The following GRIK2 variants were observed in gnomAD, a reference collection of about 807,000 sequenced individuals.
The protein encoded by GRIK2 is glutamate ionotropic receptor kainate type subunit 2, also known as glutamate receptor ionotropic, kainate 2.
In GRIK2, 32 loss-of-function variants were observed where a neutral mutation model predicts 100.3. The ratio of observed to expected loss-of-function variants is 0.32; its 90% CI spans 0.24 to 0.43. GRIK2 has a LOEUF of 0.43. Ranked by LOEUF, GRIK2 falls within the 20% of genes least tolerant of loss-of-function variation. The pLI, the probability that GRIK2 is intolerant of heterozygous loss-of-function variation, is 1.00. For synonymous variants in GRIK2, 417 were observed against 389.4 expected (o/e 1.07, Z -0.83); for missense variants, 843 against 1,114.9 (o/e 0.76, Z 3.47).
At chr6:101,628,568 TGTGA>T (rs1216917762) in intron 4 of GRIK2, among the ~76,000 whole-genome samples, 1 of 152,096 alleles carries the variant, frequency 6.6e-6, no homozygotes, top group Non-Finnish European at 1.5e-5. Context: ...GAATGATTTC[TGTGA>T]GTATGTGTAA....
At chr6:101,550,631 C>A (rs1776464868) in intron 2 of GRIK2, among the ~76,000 whole-genome samples, 1 of 152,160 alleles carries the variant, frequency 6.6e-6, no homozygotes, top group South Asian at 2.1e-4. Flanking sequence ...ATTATGCCAG[C>A]TGTCTTAACG....
chr6:101,801,809 A>G (rs1000084453), intron 8 of GRIK2, among the ~76,000 whole-genome samples: 2 of 151,930 alleles, frequency 1.3e-5, no homozygotes, highest in Non-Finnish European at 2.9e-5. Flanking sequence ...TGAAGTAATT[A>G]TAATACATTT....
chr6:101,867,671 TAA>T (rs1032861593), intron 11 of GRIK2, among the ~76,000 whole-genome samples: 27 of 151,794 alleles, frequency 1.8e-4, no homozygotes, highest in African/African-American at 5.6e-4. Flanking sequence ...AAAGGTATGT[TAA>T]GTGTTTAATT....
intron 14 of GRIK2, among the ~76,000 whole-genome samples, chr6:101,945,702 CACAA>C (rs141427929): frequency 8.9e-4 from 135 of 152,218 alleles, no homozygotes; most frequent in African/African-American, 3.1e-3. Context: ...TTAAAGGGAT[CACAA>C]ACAAACAAAT....
intron 10 of GRIK2, among the ~76,000 whole-genome samples, chr6:101,849,024 T>C (rs1783964803): frequency 6.6e-6 from 1 of 151,982 alleles, no homozygotes; most frequent in Non-Finnish European, 1.5e-5. Context: ...CTAATAAAAA[T>C]TTTTAGTTTA....
In GRIK2 at chr6:101,996,177, C is replaced by T. The variant is rs138353686; in HGVS notation, c.2086-39164C>T. On this transcript the variant is annotated intron_variant, in intron 14 of 16. Transcript: ENST00000369134. ...AATTGTTCTAAATTTCTGGCTATGC[C>T]GAAGTTCATTTCTAAAATAAAAGGT... 9.2e-5 allele frequency among the ~76,000 whole-genome samples: 14 copies of T among 152,028 alleles called. No individual in the cohort carries two copies. The East Asian group carries it at 1.2e-3, about 13-fold the overall frequency.
intron 7 of GRIK2, among the ~76,000 whole-genome samples, chr6:101,731,124 TGAAG>T (rs1775238573): frequency 2.6e-5 from 4 of 152,006 alleles, no homozygotes; most frequent in Admixed American, 6.6e-5. Context: ...ATCTGAGCAG[TGAAG>T]AAAGTATTAC....
At chr6:101,976,401 A>G (rs1472559475) in intron 14 of GRIK2, among the ~76,000 whole-genome samples, 1 of 152,002 alleles carries the variant, frequency 6.6e-6, no homozygotes, top group Non-Finnish European at 1.5e-5. Flanking sequence ...AGGGCAGTTT[A>G]AAGTGTTCTG....
chr6:101,704,353 G>C (rs1317969507), intron 7 of GRIK2, among the ~76,000 whole-genome samples: 1 of 151,606 alleles, frequency 6.6e-6, no homozygotes. Context: ...TTCTCCAAGG[G>C]GGTGAAAATT....
At chr6:101,627,658 A>G (rs1021635509) in intron 4 of GRIK2, among the ~76,000 whole-genome samples, 2 of 152,218 alleles carry the variant, frequency 1.3e-5, no homozygotes, top group African/African-American at 4.8e-5. Flanking sequence ...TATGTGGAAC[A>G]ATATAATATT....
intron 9 of GRIK2, among the ~76,000 whole-genome samples, chr6:101,813,222 T>C (rs1471327757): frequency 6.6e-6 from 1 of 151,956 alleles, no homozygotes; most frequent in Non-Finnish European, 1.5e-5. Flanking sequence ...ACTGAAGACT[T>C]TCAAGAAAAA....
At chr6:101,777,630 T>C (rs184981589) in intron 7 of GRIK2, among the ~76,000 whole-genome samples, 4 of 152,260 alleles carry the variant, frequency 2.6e-5, no homozygotes, top group Admixed American at 2.6e-4. Flanking sequence ...AAAGGTCAAG[T>C]CAGTGAAAGA....
At chr6:101,954,363 A>G (rs1383506666) in intron 14 of GRIK2, among the ~76,000 whole-genome samples, 2 of 152,022 alleles carry the variant, frequency 1.3e-5, no homozygotes, top group Non-Finnish European at 2.9e-5. Flanking sequence ...TGTTTTTCAA[A>G]TTATTTAGGT....
chr6:101,944,672 A>G (rs1791163815), intron 14 of GRIK2, among the ~76,000 whole-genome samples: 1 of 152,288 alleles, frequency 6.6e-6, no homozygotes, highest in Middle Eastern at 3.4e-3. Flanking sequence ...AGCAAACTAA[A>G]TTGAATTTCA....
chr6:102,035,295 C>A, intron 14 of GRIK2, 46 bp from the exon 15 acceptor site: 1 of 1,090,082 alleles, frequency 9.2e-7, no homozygotes, highest in Non-Finnish European at 1.4e-6. Context: ...CACATGGAAA[C>A]TAAAGAATAA....
rs34929195 is a variant in GRIK2, at chr6:101,876,484, A to AAC, written c.1525-13122_1525-13121dup. Among the ~76,000 whole-genome samples the AAC allele has an allele frequency of 7.0e-3, 1,041 of 148,888 alleles. 10 individuals carry two copies. The highest frequency in any genetic ancestry group is 0.024 in the Middle Eastern group (7 of 290). On this transcript the variant is annotated intron_variant, in intron 11 of 16. Coordinates refer to ENST00000369134, the MANE Select transcript of GRIK2 (RefSeq NM_021956.5). ...ATGGTTTCCTTAGAAAACAAAAACAAACACACACACACACACACACACACA... is the reference window on the plus strand; with the variant it reads ...ATGGTTTCCTTAGAAAACAAAAACAAACACACACACACACACACACACACACA...
In GRIK2 at chr6:101,676,676, C is replaced by T; in HGVS notation, c.595C>T (p.Leu199Phe). 1 of 1,605,058 alleles carries T rather than the reference C, an allele frequency of 6.2e-7. No homozygotes were observed. Among genetic ancestry groups the T allele is most frequent in the Middle Eastern group, 1.7e-4 (1 of 6,016 alleles). ...AGCTCCATCAAGGTATAATCTTCGACTCAAAATTCGTCAGTTACCTGCTGA... is the reference window on the plus strand; with the variant it reads ...AGCTCCATCAAGGTATAATCTTCGATTCAAAATTCGTCAGTTACCTGCTGA... The part of the protein sequence containing the change: ...IKAPSRYNLR[L>F]KIRQLPADTK... Residue 199 changes from leucine to phenylalanine, a missense_variant, in exon 5 of 17, where the codon CTC becomes TTC. This residue lies in a region of GRIK2 where 519 missense variants were observed against 643.8 expected (regional missense o/e 0.81). Transcript: ENST00000369134.
At chr6:101,521,627 TTAA>T (rs1211401377) in intron 2 of GRIK2, among the ~76,000 whole-genome samples, 6 of 151,852 alleles carry the variant, frequency 4.0e-5, no homozygotes, top group Admixed American at 2.0e-4. Flanking sequence ...TAAAATTTTT[TTAA>T]TAATAATATG....
intron 10 of GRIK2, among the ~76,000 whole-genome samples, chr6:101,839,760 A>G (rs1562429947): frequency 6.6e-6 from 1 of 152,164 alleles, no homozygotes; most frequent in South Asian, 2.1e-4. Context: ...AATGAAGAAT[A>G]TATCATTTGC....
Sources: allele counts gnomAD v4.1 joint callset (sites outside exome capture counted in the v4.1 genomes callset), GRCh38; gene constraint gnomAD v4.1.1; regional missense constraint gnomAD v4.1.1; transcripts MANE v1.5; gene names NCBI Gene and HGNC (gene_info 2026-07-23, HGNC 2026-07-21).